The following REXO5 variants were observed in gnomAD, a reference collection of about 807,000 sequenced individuals.
REXO5 encodes RNA exonuclease 5.
Under a neutral mutation model 88.5 loss-of-function variants are expected in REXO5, and 48 were observed. The observed-to-expected ratio is 0.54, with a 90% CI of 0.43 to 0.69. The LOEUF (loss-of-function observed/expected upper bound fraction) is 0.69, where lower values mean the gene tolerates loss of function less well. Ranked by LOEUF, REXO5 falls within the 30% of genes least tolerant of loss-of-function variation. The pLI is 0.00. For missense variants in REXO5, 749 were observed against 912.2 expected (o/e 0.82, Z 2.30); for synonymous variants, 311 against 336.5 (o/e 0.92, Z 0.83).
rs1416941314 is a variant in REXO5, at chr16:20,807,072, A to G, written c.119A>G (p.Glu40Gly). The G allele has an allele frequency of 1.9e-6, 3 of 1,604,542 alleles. No homozygotes were observed. Among genetic ancestry groups the G allele is most frequent in the Non-Finnish European group, 2.5e-6 (3 of 1,176,552 alleles). Residue 40 changes from glutamate (E) to glycine (G), a missense_variant, in exon 2 of 20, where the codon GAG becomes GGG. Physicochemically the swap from Glu to Gly is moderately conservative, Grantham distance 98 (BLOSUM62 -2). Transcript: ENST00000261377. ...ATGAAAGCCGGTTGGGATCTCGAGGAGAGTCAGCCCGAGGCCAAGGTGAGC... is the reference window on the plus strand; with the variant it reads ...ATGAAAGCCGGTTGGGATCTCGAGGGGAGTCAGCCCGAGGCCAAGGTGAGC... Reference protein sequence around the residue: ...EAMKAGWDLEESQPEAKKARL... With the variant: ...EAMKAGWDLEGSQPEAKKARL...
chr16:20,844,507 A>G (rs2081577070), intron 16 of REXO5, 122 bp from the exon 17 acceptor site: 2 of 769,878 alleles, frequency 2.6e-6, no homozygotes, highest in East Asian at 5.2e-5. Flanking sequence ...AAAAGAAAAG[A>G]AACGGAAAAT....
At position 20,815,048 on chromosome 16, in the gene REXO5, A is replaced by G. The variant is rs1596570093; in HGVS notation, c.373A>G (p.Arg125Gly). 1.2e-6 allele frequency: 2 copies of G among 1,610,992 alleles called. No individual in the cohort carries two copies. Among genetic ancestry groups the G allele is most frequent in the Non-Finnish European group, 1.7e-6 (2 of 1,179,284 alleles). ...GTTTGGATGTCTTCGAAAAGCATTC[A>G]GACATGTAAGTTAAGAATACTTTGT... ...LEFGCLRKAF[R>G]HKFRLPPPSS... Residue 125 changes from arginine (R) to glycine (G), a missense_variant, in exon 4 of 20, where the codon AGA becomes GGA. Transcript: ENST00000261377.
At chr16:20,841,430 C>T (rs909331758) in intron 15 of REXO5, among the ~76,000 whole-genome samples, 3 of 152,012 alleles carry the variant, frequency 2.0e-5, no homozygotes, top group African/African-American at 7.2e-5. Context: ...AATTAGGCAG[C>T]TAGCTAATGG....
intron 12 of REXO5, among the ~76,000 whole-genome samples, chr16:20,832,538 G>A (rs2081362946): frequency 6.6e-6 from 1 of 151,670 alleles, no homozygotes; most frequent in South Asian, 2.1e-4. Flanking sequence ...TTGAACCTAG[G>A]TAGCACTGGG....
rs1030703871 is a variant in REXO5, at chr16:20,828,424, T to G, written c.1056-11T>G. 22 of 1,583,668 alleles carry G rather than the reference T, an allele frequency of 1.4e-5. No homozygotes were observed. The highest frequency in any genetic ancestry group is 1.9e-5 in the Non-Finnish European group (22 of 1,152,700). On this transcript the variant is annotated splice_polypyrimidine_tract_variant and intron_variant, in intron 10 of 19. Coordinates refer to ENST00000261377, the MANE Select transcript of REXO5 (RefSeq NM_030941.3). ...TGCTTCCAGTATGTCAATTTTATAT[T>G]GACTTTCCAGGAAGGATATACAGTG...
rs185779989 is a variant in REXO5 at position 20,808,198 on chromosome 16, C to T, written c.138+1107C>T. ...AGTGGAAAGATTATCTAACACGAAACCGGTCCCTGGTGCCAACGGTTGGGG... is the reference window on the plus strand; with the variant it reads ...AGTGGAAAGATTATCTAACACGAAATCGGTCCCTGGTGCCAACGGTTGGGG... On this transcript the variant is annotated intron_variant, in intron 2 of 19. Coordinates refer to ENST00000261377, the MANE Select transcript of REXO5 (RefSeq NM_030941.3). 4.6e-3 allele frequency among the ~76,000 whole-genome samples: 694 copies of T among 152,290 alleles called. 6 individuals are homozygous for T. The highest frequency in any genetic ancestry group is 0.015 in the African/African-American group (643 of 41,566).
intron 2 of REXO5, among the ~76,000 whole-genome samples, chr16:20,809,867 T>A (rs1208951388): frequency 2.0e-5 from 3 of 152,224 alleles, no homozygotes; most frequent in African/African-American, 7.2e-5. Flanking sequence ...CTCCCAGCTG[T>A]CTGTAATGTG....
At chr16:20,833,233 T>A in intron 13 of REXO5, 110 bp downstream of exon 13, 3 of 1,165,642 alleles carry the variant, frequency 2.6e-6, no homozygotes, top group Non-Finnish European at 3.5e-6. Context: ...CTGGCTACAG[T>A]TAGCAAGCCT....
At chr16:20,821,294 T>C (rs571648273) in intron 5 of REXO5, among the ~76,000 whole-genome samples, 1 of 152,278 alleles carries the variant, frequency 6.6e-6, no homozygotes, top group African/African-American at 2.4e-5. Context: ...TTTTTTTTGT[T>C]TGTTTGTTTT....
At chr16:20,827,913 A>ACCT (rs911292711) in intron 10 of REXO5, among the ~76,000 whole-genome samples, 1 of 152,078 alleles carries the variant, frequency 6.6e-6, no homozygotes, top group African/African-American at 2.4e-5. Flanking sequence ...TGATATGAAC[A>ACCT]CCTCTCTAAG....
At chr16:20,846,800 T>C (rs988706326) in intron 19 of REXO5, among the ~76,000 whole-genome samples, 1 of 152,204 alleles carries the variant, frequency 6.6e-6, no homozygotes, top group African/African-American at 2.4e-5. Context: ...AGCAGGACTT[T>C]GAGTCTAGTT....
At chr16:20,814,253 G>T (rs537564211) in intron 3 of REXO5, among the ~76,000 whole-genome samples, 2 of 151,968 alleles carry the variant, frequency 1.3e-5, no homozygotes, top group South Asian at 2.1e-4. Flanking sequence ...TTTTTTTGGT[G>T]GGGGATGGAG....
chr16:20,814,051 A>G (rs1481894691), intron 3 of REXO5, among the ~76,000 whole-genome samples: 1 of 151,804 alleles, frequency 6.6e-6, no homozygotes, highest in Non-Finnish European at 1.5e-5. Context: ...TTCTCCATCA[A>G]CAATTACAGC....
Position 20,824,431 on chromosome 16 carries a change from T to C in REXO5, c.617-8T>C. 6.5e-7 allele frequency: 1 copy of C among 1,542,366 alleles called. No homozygotes were observed. The highest frequency in any genetic ancestry group is 9.0e-7 in the Non-Finnish European group (1 of 1,117,240). On this transcript the variant is annotated splice_region_variant and splice_polypyrimidine_tract_variant and intron_variant, in intron 6 of 19. Transcript: ENST00000261377. Reference sequence around the variant, plus strand: ...TAAAGGCAAACATTTTCTTCCTTTTTCTCCTAGGTTTTCCTGATTGTGAAA... The same window carrying C: ...TAAAGGCAAACATTTTCTTCCTTTTCCTCCTAGGTTTTCCTGATTGTGAAA...
chr16:20,848,437 T>C (rs1312695798), intron 19 of REXO5, among the ~76,000 whole-genome samples: 1 of 152,160 alleles, frequency 6.6e-6, no homozygotes, highest in Non-Finnish European at 1.5e-5. Context: ...ACTGAACAAG[T>C]GGAGAAAAAG....
chr16:20,814,821 T>C (rs2081056144), intron 3 of REXO5, 106 bp from the exon 4 acceptor site: 14 of 1,123,532 alleles, frequency 1.2e-5, no homozygotes, highest in Non-Finnish European at 1.6e-5. Context: ...TTCTATTAAC[T>C]CTCACTCACT....
chr16:20,815,109 A>G, intron 4 of REXO5, 56 bp downstream of exon 4: 1 of 1,564,576 alleles, frequency 6.4e-7, no homozygotes, highest in Non-Finnish European at 8.7e-7. Context: ...TTCTGAGACT[A>G]ATACATGTGT....
intron 2 of REXO5, among the ~76,000 whole-genome samples, chr16:20,811,130 T>A (rs1337264736): frequency 6.6e-6 from 1 of 152,216 alleles, no homozygotes; most frequent in African/African-American, 2.4e-5. Context: ...CCTCAGCTTC[T>A]GCTCCTAGTC....
At chr16:20,842,444 A>G (rs761417066) in intron 15 of REXO5, among the ~76,000 whole-genome samples, 23 of 149,102 alleles carry the variant, frequency 1.5e-4, no homozygotes, top group Non-Finnish European at 3.3e-4. Context: ...GTTGATGGAC[A>G]TTTGGGTTGT....
Sources: gnomAD v4.1 joint callset for allele counts (sites outside exome capture counted in the v4.1 genomes callset) on GRCh38, gnomAD v4.1.1 for gene constraint, MANE v1.5 for transcripts, NCBI Gene and HGNC (gene_info 2026-07-23, HGNC 2026-07-21) for gene names.